VDAC1: variants seen among roughly 807,000 people sequenced by gnomAD.
VDAC1 encodes voltage dependent anion channel 1.
Under a neutral mutation model 34.7 loss-of-function variants are expected in VDAC1, and 10 were observed. The observed-to-expected ratio is 0.29, with a 90% CI of 0.18 to 0.49. The LOEUF (loss-of-function observed/expected upper bound fraction) is 0.49, where lower values mean the gene tolerates loss of function less well. VDAC1 is among the 20% of genes least tolerant of loss of function. The pLI, the probability that VDAC1 is intolerant of heterozygous loss-of-function variation, is 0.99. For missense variants in VDAC1, 230 were observed against 347.9 expected (o/e 0.66, Z 2.69); for synonymous variants, 130 against 136.0 (o/e 0.96, Z 0.30).
chr5:134,064,300 G>GT, the VDAC1 span, among the ~76,000 whole-genome samples: 1 of 151,322 alleles, frequency 6.6e-6, no homozygotes, highest in African/African-American at 2.4e-5. Flanking sequence ...TTGTTTTTTT[G>GT]TTTTTTGGGG....
At chr5:134,021,574 A>T in the VDAC1 span, among the ~76,000 whole-genome samples, 1 of 151,474 alleles carries the variant, frequency 6.6e-6, no homozygotes, top group Non-Finnish European at 1.5e-5. Context: ...AAAAAAAAGA[A>T]AAAAGAAGCC....
chr5:134,103,330 C>T, the VDAC1 span, among the ~76,000 whole-genome samples: 19 of 152,154 alleles, frequency 1.2e-4, no homozygotes, highest in Non-Finnish European at 1.5e-5. Flanking sequence ...CCATGTTGCC[C>T]AGGCTGGTCT....
At chr5:133,985,104 T>C (rs1217766310) in intron 5 of VDAC1, among the ~76,000 whole-genome samples, 1 of 152,234 alleles carries the variant, frequency 6.6e-6, no homozygotes, top group Non-Finnish European at 1.5e-5. Flanking sequence ...AGGGATCCAC[T>C]GTCTCTTGGC....
chr5:134,031,086 C>G, the VDAC1 span, among the ~76,000 whole-genome samples: 17 of 152,168 alleles, frequency 1.1e-4, no homozygotes, highest in Non-Finnish European at 1.9e-4. Context: ...CACTTTTGCC[C>G]TCAGGTGGTC....
chr5:134,003,621 T>C (rs954740284), intron 1 of VDAC1, among the ~76,000 whole-genome samples: 2 of 149,792 alleles, frequency 1.3e-5, no homozygotes, highest in African/African-American at 4.9e-5. Context: ...CAACGCCACG[T>C]GTAGCAAAAT....
intron 1 of VDAC1, among the ~76,000 whole-genome samples, chr5:134,001,714 C>CT (rs1554093179): frequency 1.8e-5 from 1 of 54,456 alleles, no homozygotes; most frequent in Non-Finnish European, 3.4e-5. Flanking sequence ...GAGACTCCAT[C>CT]TAAAAAAAAA....
chr5:133,973,888 T>G, intron 7 of VDAC1, 40 bp from the exon 8 acceptor site: 1 of 1,586,614 alleles, frequency 6.3e-7, no homozygotes, highest in Non-Finnish European at 8.6e-7. Context: ...ACATTAAGTA[T>G]AATACTTTGC....
At chr5:134,004,158 C>T (rs1347429375) in intron 1 of VDAC1, among the ~76,000 whole-genome samples, 2 of 152,038 alleles carry the variant, frequency 1.3e-5, no homozygotes, top group Non-Finnish European at 1.5e-5. Flanking sequence ...GGCCTGGGGA[C>T]TCGGGGCCAC....
chr5:133,996,925 G>A (rs1035679384), intron 1 of VDAC1, among the ~76,000 whole-genome samples: 2 of 151,876 alleles, frequency 1.3e-5, no homozygotes, highest in African/African-American at 2.4e-5. Context: ...CTCCCACCTC[G>A]GCCTAAGGAG....
the VDAC1 span, among the ~76,000 whole-genome samples, chr5:134,064,494 G>T: frequency 7.9e-5 from 12 of 151,862 alleles, no homozygotes; most frequent in African/African-American, 2.4e-4. Flanking sequence ...AGTAGAGATG[G>T]GGTTTCACCA....
At chr5:134,097,738 G>A in the VDAC1 span, among the ~76,000 whole-genome samples, 1 of 152,148 alleles carries the variant, frequency 6.6e-6, no homozygotes, top group African/African-American at 2.4e-5. Context: ...TCAAAATGAG[G>A]CCCACAGACA....
chr5:133,985,163 C>T (rs3844188), intron 5 of VDAC1, among the ~76,000 whole-genome samples: 7,691 of 152,208 alleles, frequency 0.051, 216 homozygotes, highest in East Asian at 0.13. Flanking sequence ...ATGTTTCTTT[C>T]TGAGAAACTG....
chr5:134,080,498 GTA>G, the VDAC1 span, among the ~76,000 whole-genome samples: 1 of 151,968 alleles, frequency 6.6e-6, no homozygotes, highest in African/African-American at 2.4e-5. Context: ...CGGAGGTACA[GTA>G]CCACGGGCAG....
chr5:134,099,004 C>T, the VDAC1 span, among the ~76,000 whole-genome samples: 4 of 152,190 alleles, frequency 2.6e-5, no homozygotes, highest in Admixed American at 6.5e-5. Flanking sequence ...GAAGGGAGAC[C>T]AGGCGCCGCT....
the VDAC1 span, among the ~76,000 whole-genome samples, chr5:134,010,704 C>A: frequency 6.6e-6 from 1 of 152,166 alleles, no homozygotes. Flanking sequence ...ACATTAAAAA[C>A]TGTGGAGGCA....
rs1752461717 is a variant in VDAC1, at chr5:133,975,897, G to GAT, written c.674_675dup (p.Gln226IlefsTer13). 1 of 1,611,866 alleles carries GAT rather than the reference G, an allele frequency of 6.2e-7. No individual in the cohort carries two copies. Among genetic ancestry groups the GAT allele is most frequent in the African/African-American group, 1.3e-5 (1 of 74,700 alleles). ...GAGAAGCAGGCGTCAGGGTCAATCT[G>GAT]ATACTTGGCTGCTATTCCGAAGCGC... On this transcript the variant is annotated frameshift_variant, in exon 7 of 9. Transcript: ENST00000265333. LOFTEE classifies it high-confidence loss of function.
the VDAC1 span, among the ~76,000 whole-genome samples, chr5:134,083,438 C>T: frequency 6.6e-6 from 1 of 152,202 alleles, no homozygotes; most frequent in Non-Finnish European, 1.5e-5. Flanking sequence ...GATTCGCCAG[C>T]CTTGGCCTCC....
Position 133,990,857 on chromosome 5 carries a change from A to G in VDAC1, c.321T>C (p.Thr107=), listed in dbSNP as rs1381208759. The part of the protein sequence containing the change: ...LTFDSSFSPN[T]GKKNAKIKTG... The stretch of plus-strand genomic sequence containing the variant: ...GAGAAAACAGATGAAACTCTTACCC[A>G]GTGTTAGGTGAGAAGGATGAATCGA... Residue 107 remains threonine (T), a splice_region_variant and synonymous_variant, in exon 5 of 9, where the codon ACT becomes ACC. Transcript: ENST00000265333. The G allele has an allele frequency of 6.5e-7, 1 of 1,542,920 alleles. No homozygotes were observed. Among genetic ancestry groups the G allele is most frequent in the African/African-American group, 1.4e-5 (1 of 72,692 alleles).
the VDAC1 span, among the ~76,000 whole-genome samples, chr5:134,114,116 C>G: frequency 6.6e-6 from 1 of 152,126 alleles, no homozygotes; most frequent in African/African-American, 2.4e-5. Flanking sequence ...AATAAATGTG[C>G]GAAGGGGGGT....
Sources: gnomAD v4.1 joint callset for allele counts (sites outside exome capture counted in the v4.1 genomes callset) on GRCh38, gnomAD v4.1.1 for gene constraint, MANE v1.5 for transcripts, NCBI Gene and HGNC (gene_info 2026-07-23, HGNC 2026-07-21) for gene names.